Variants in NDRG4 observed in about 807,000 individuals in gnomAD.
The protein encoded by NDRG4 is NDRG family member 4.
In NDRG4, 38 loss-of-function variants were observed where a neutral mutation model predicts 55.8. That is an observed-to-expected ratio of 0.68 (90% CI 0.53 to 0.89). The LOEUF is 0.89. NDRG4 is among the 40% of genes least tolerant of loss of function. The probability of loss-of-function intolerance (pLI) is 0.00; values close to 1 mark genes in which losing one functional copy is unlikely to be tolerated. For synonymous variants in NDRG4, 190 were observed against 182.7 expected, an observed-to-expected ratio of 1.04 and a Z score of -0.32; for missense variants, 455 against 468.6, an observed-to-expected ratio of 0.97 and a Z score of 0.27.
rs1186500998 is a variant in NDRG4 at position 58,509,029 on chromosome 16, C to T, written c.777+20C>T. The T allele has an allele frequency of 6.2e-7, 1 of 1,614,108 alleles. No homozygotes were observed. Among genetic ancestry groups the T allele is most frequent in the East Asian group, 2.2e-5 (1 of 44,870 alleles). Reference sequence around the variant, plus strand: ...CTGAAGGTGAGGCTTTCTTCCCCAGCCCTGGGCCAGCTTCCCTAGCATGGG... The same window carrying T: ...CTGAAGGTGAGGCTTTCTTCCCCAGTCCTGGGCCAGCTTCCCTAGCATGGG... On this transcript the variant is annotated intron_variant, in intron 11 of 14. Transcript: ENST00000570248.
intron 1 of NDRG4, among the ~76,000 whole-genome samples, chr16:58,478,236 A>C (rs2033940680): frequency 6.6e-6 from 1 of 152,126 alleles, no homozygotes; most frequent in Non-Finnish European, 1.5e-5. Context: ...TAAAAATTCA[A>C]AACTTAGCCA....
chr16:58,494,847 AG>A (rs375448238), intron 2 of NDRG4: 25 of 743,692 alleles, frequency 3.4e-5, no homozygotes, highest in South Asian at 5.9e-5. Context: ...AAAAAAAAAA[AG>A]AAAAGAAAAG....
At chr16:58,482,258 C>T (rs763892992) in intron 1 of NDRG4, among the ~76,000 whole-genome samples, 9 of 152,122 alleles carry the variant, frequency 5.9e-5, no homozygotes, top group East Asian at 1.9e-4. Context: ...CAGTGTGGAC[C>T]GGACCTTGAC....
intron 1 of NDRG4, among the ~76,000 whole-genome samples, chr16:58,465,553 G>A (rs549185929): frequency 2.0e-5 from 3 of 149,808 alleles, no homozygotes; most frequent in African/African-American, 7.3e-5. Context: ...TGTGTTGCGG[G>A]GGAGGGGGCT....
rs1002772828 is a variant in NDRG4, at chr16:58,513,586, G to C, written c.*2010G>C. 2.0e-4 allele frequency: 26 copies of C among 127,564 alleles called. No individual in the cohort carries two copies. Among genetic ancestry groups the C allele is most frequent in the African/African-American group, 6.0e-4 (22 of 36,942 alleles). 7.9% of individuals were successfully genotyped at this position (127,564 alleles called of 1,614,324 possible). ...TCACATTATTTTACCGGTGAGATGA[G>C]AATGTCACAAACATTAAAAGCCTTA... On this transcript the variant is annotated 3_prime_UTR_variant, in exon 15 of 15. Coordinates refer to ENST00000570248, the MANE Select transcript of NDRG4 (RefSeq NM_001242835.2).
At chr16:58,500,740 C>A in intron 1 of NDRG4, 1 of 417,934 alleles carries the variant, frequency 2.4e-6, no homozygotes, top group Non-Finnish European at 4.2e-6. Flanking sequence ...AGTGTGCGTG[C>A]CGGGTCTGTG....
chr16:58,506,289 G>C (rs541834086), intron 5 of NDRG4, 98 bp from the exon 6 acceptor site: 1 of 1,177,222 alleles, frequency 8.5e-7, no homozygotes, highest in African/African-American at 1.5e-5. Flanking sequence ...GGCTGTAGCC[G>C]GGTGGCTGAT....
chr16:58,484,303 G>A (rs2034816402), intron 1 of NDRG4, among the ~76,000 whole-genome samples: 2 of 151,452 alleles, frequency 1.3e-5, no homozygotes, highest in Non-Finnish European at 2.9e-5. Flanking sequence ...AACCCAGGAG[G>A]CAGAGGCTGC....
At chr16:58,500,604 G>A in intron 1 of NDRG4, 1 of 530,942 alleles carries the variant, frequency 1.9e-6, no homozygotes, top group South Asian at 2.3e-5. Flanking sequence ...GGGCGCTAGT[G>A]CCTGCATGTC....
intron 1 of NDRG4, chr16:58,463,956 C>A (rs1165164316): frequency 6.5e-6 from 1 of 153,616 alleles, no homozygotes; most frequent in African/African-American, 2.4e-5. Context: ...CGCTCCCGCC[C>A]CATTTCGCCT....
Position 58,506,396 on chromosome 16 carries a change from C to T in NDRG4, c.382C>T (p.Pro128Ser). Residue 128 changes from proline to serine, a missense_variant, in exon 6 of 15, where the codon CCC (proline) becomes TCC (serine). Coordinates refer to ENST00000570248, the MANE Select transcript of NDRG4 (RefSeq NM_001242835.2). ...YVLAKFALIF[P>S]DLVEGLVLVN... The stretch of plus-strand genomic sequence containing the variant: ...TCCCCTCTTACTGCAGCTCATCTTC[C>T]CCGACCTGGTGGAGGGGCTGGTGCT... 6.2e-7 allele frequency: 1 copy of T among 1,613,918 alleles called. No homozygotes were observed. The highest frequency in any genetic ancestry group is 8.5e-7 in the Non-Finnish European group (1 of 1,180,010).
intron 5 of NDRG4, among the ~76,000 whole-genome samples, chr16:58,504,911 C>T (rs995492464): frequency 6.6e-6 from 1 of 152,202 alleles, no homozygotes; most frequent in Non-Finnish European, 1.5e-5. Flanking sequence ...TTATCCAAAG[C>T]CAGAATTTCT....
intron 1 of NDRG4, among the ~76,000 whole-genome samples, chr16:58,484,935 A>G (rs1009636644): frequency 5.5e-5 from 8 of 146,408 alleles, no homozygotes; most frequent in South Asian, 4.3e-4. Flanking sequence ...AGGCTGGAGT[A>G]CAGTGGCGCA....
chr16:58,501,107 G>GA (rs2037029893), intron 1 of NDRG4: 5 of 1,220,954 alleles, frequency 4.1e-6, no homozygotes, highest in Non-Finnish European at 5.1e-6. Flanking sequence ...CCTCAGGAGG[G>GA]AGAGGCAGGG....
chr16:58,481,467 T>TGC (rs1392220601), intron 1 of NDRG4, among the ~76,000 whole-genome samples: 1 of 152,008 alleles, frequency 6.6e-6, no homozygotes, highest in East Asian at 1.9e-4. Context: ...CGTGTGTGTG[T>TGC]GCGCGCGCAT....
At chr16:58,473,551 T>A (rs932845344) in intron 1 of NDRG4, among the ~76,000 whole-genome samples, 1 of 152,104 alleles carries the variant, frequency 6.6e-6, no homozygotes. Flanking sequence ...CCCCCAAACC[T>A]TTTCTCAAGG....
chr16:58,488,270 T>A (rs2035361782), intron 2 of NDRG4, among the ~76,000 whole-genome samples: 1 of 152,146 alleles, frequency 6.6e-6, no homozygotes, highest in African/African-American at 2.4e-5. Flanking sequence ...CTCCCAAGCC[T>A]CTGCGGCACC....
At chr16:58,472,903 A>G (rs1454697044) in intron 1 of NDRG4, among the ~76,000 whole-genome samples, 3 of 151,434 alleles carry the variant, frequency 2.0e-5, no homozygotes, top group East Asian at 2.0e-4. Flanking sequence ...AGGCCACCCA[A>G]CCCCTCTGTC....
chr16:58,492,180 G>A (rs1468737717), intron 2 of NDRG4, among the ~76,000 whole-genome samples: 4 of 152,022 alleles, frequency 2.6e-5, no homozygotes, highest in South Asian at 2.1e-4. Context: ...CAGCCTGCCC[G>A]CCCACTGCTG....
Sources: gnomAD v4.1 joint callset for allele counts (sites outside exome capture counted in the v4.1 genomes callset) on GRCh38, gnomAD v4.1.1 for gene constraint, MANE v1.5 for transcripts, NCBI Gene and HGNC (gene_info 2026-07-23, HGNC 2026-07-21) for gene names.